Variants in ATAD2B observed in about 807,000 individuals in gnomAD.
ATAD2B encodes ATPase family AAA domain-containing protein 2B.
A neutral mutation model predicts 167.6 loss-of-function variants in ATAD2B; 40 were observed. The observed-to-expected ratio is 0.24, with a 90% CI of 0.19 to 0.31. The LOEUF (loss-of-function observed/expected upper bound fraction) is 0.31. Among genes scored for constraint, ATAD2B ranks in the 10% least tolerant of loss-of-function variants. The probability of loss-of-function intolerance (pLI) is 1.00; values close to 1 mark genes in which losing one functional copy is unlikely to be tolerated. For missense variants in ATAD2B, 1,242 were observed against 1,757.2 expected, an observed-to-expected ratio of 0.71 and a Z score of 5.24; for synonymous variants, 579 against 596.5, an observed-to-expected ratio of 0.97 and a Z score of 0.43.
intron 17 of ATAD2B, among the ~76,000 whole-genome samples, chr2:23,817,432 C>A (rs1393440314): frequency 6.6e-6 from 1 of 152,172 alleles, no homozygotes; most frequent in Non-Finnish European, 1.5e-5. Context: ...GTAAAAAGCA[C>A]TCAGATGCAA....
chr2:23,769,838 C>A (rs892668577), intron 22 of ATAD2B, among the ~76,000 whole-genome samples: 8 of 151,164 alleles, frequency 5.3e-5, no homozygotes, highest in African/African-American at 1.9e-4. Context: ...TGTGTGCCAC[C>A]CCACCCAGCT....
chr2:23,822,418 G>A (rs933275904), intron 16 of ATAD2B, among the ~76,000 whole-genome samples: 2 of 152,034 alleles, frequency 1.3e-5, no homozygotes, highest in African/African-American at 2.4e-5. Context: ...GGCGGCACAC[G>A]CCTGTAATCC....
intron 1 of ATAD2B, among the ~76,000 whole-genome samples, chr2:23,921,205 CAAAAAAAA>C (rs61004964): frequency 6.2e-5 from 2 of 32,288 alleles, no homozygotes; most frequent in African/African-American, 2.5e-4. Flanking sequence ...GACTCCATCT[CAAAAAAAA>C]AAAAAAAAAA....
intron 13 of ATAD2B, among the ~76,000 whole-genome samples, chr2:23,842,548 T>C (rs1386205861): frequency 1.3e-5 from 2 of 152,206 alleles, no homozygotes; most frequent in Non-Finnish European, 2.9e-5. Context: ...TCCTTCTCTC[T>C]AGCTTTTAGT....
the ATAD2B span, among the ~76,000 whole-genome samples, chr2:23,724,742 T>C: frequency 6.6e-6 from 1 of 151,400 alleles, no homozygotes; most frequent in African/African-American, 2.4e-5. Context: ...GAAAAAAAAA[T>C]CTTTAAAAGC....
In ATAD2B at chr2:23,927,000, G is replaced by C; in HGVS notation, c.-230C>G. The stretch of plus-strand genomic sequence containing the variant: ...GGCGGTGCTGCAGACCGGCAGCACA[G>C]ACACTCCGCCGGCTTCGCCCTCCTC... On this transcript the variant is annotated 5_prime_UTR_variant, in exon 1 of 28. Transcript: ENST00000238789. 1 of 515,642 alleles carries C rather than the reference G, an allele frequency of 1.9e-6. No homozygotes were observed. The highest frequency in any genetic ancestry group is 3.3e-6 in the Non-Finnish European group (1 of 299,740). 31.9% of individuals were successfully genotyped at this position (515,642 alleles called of 1,614,324 possible).
At chr2:23,818,388 T>A (rs937768670) in intron 17 of ATAD2B, among the ~76,000 whole-genome samples, 92 of 112,278 alleles carry the variant, frequency 8.2e-4, no homozygotes, top group African/African-American at 2.9e-3. Context: ...AAAAAAAAAA[T>A]TGGCTTTCCC....
chr2:23,767,200 T>A (rs1677561565), intron 22 of ATAD2B, among the ~76,000 whole-genome samples: 1 of 152,176 alleles, frequency 6.6e-6, no homozygotes, highest in South Asian at 2.1e-4. Flanking sequence ...TACTCCACCC[T>A]AACTCATTCC....
intron 22 of ATAD2B, among the ~76,000 whole-genome samples, chr2:23,780,196 T>A (rs1679786425): frequency 6.6e-6 from 1 of 150,936 alleles, no homozygotes; most frequent in African/African-American, 2.4e-5. Flanking sequence ...TGCAGTGAGA[T>A]GAGGTCACAC....
intron 21 of ATAD2B, among the ~76,000 whole-genome samples, chr2:23,785,293 C>G (rs1411508900): frequency 1.3e-5 from 2 of 152,030 alleles, no homozygotes; most frequent in African/African-American, 2.4e-5. Context: ...GCTGTTCAAA[C>G]ATGGAGTCTG....
intron 1 of ATAD2B, among the ~76,000 whole-genome samples, chr2:23,906,690 T>G (rs918718034): frequency 6.6e-6 from 1 of 151,954 alleles, no homozygotes; most frequent in African/African-American, 2.4e-5. Context: ...ACCAATATCC[T>G]TGATGAACAT....
At chr2:23,852,351 C>G (rs1258439446) in intron 13 of ATAD2B, among the ~76,000 whole-genome samples, 1 of 151,884 alleles carries the variant, frequency 6.6e-6, no homozygotes, top group African/African-American at 2.4e-5. Flanking sequence ...TCTTGCACTC[C>G]TAGACTCAAG....
At chr2:23,817,891 G>T (rs771660502) in intron 17 of ATAD2B, among the ~76,000 whole-genome samples, 3 of 152,020 alleles carry the variant, frequency 2.0e-5, no homozygotes, top group Non-Finnish European at 2.9e-5. Flanking sequence ...ATCAGTGGCA[G>T]GAAATGTCCT....
intron 12 of ATAD2B, among the ~76,000 whole-genome samples, chr2:23,857,760 G>A (rs146451569): frequency 0.082 from 3,236 of 39,644 alleles, 138 homozygotes; most frequent in African/African-American, 0.23. Flanking sequence ...TTTTTTTTTT[G>A]AGACGGAGTC....
chr2:23,808,592 T>C (rs1006378054), intron 18 of ATAD2B, among the ~76,000 whole-genome samples: 4 of 152,140 alleles, frequency 2.6e-5, no homozygotes, highest in African/African-American at 9.7e-5. Flanking sequence ...AACACTAACT[T>C]TGAAAGTGTC....
At chr2:23,744,517 A>G (rs1437653957), downstream of ATAD2B, among the ~76,000 whole-genome samples, 2 of 152,230 alleles carry the variant, frequency 1.3e-5, no homozygotes, top group African/African-American at 4.8e-5. Context: ...AACACTTACT[A>G]TGTGCCTGGT....
In ATAD2B at chr2:23,818,296, G is replaced by C. The variant is rs1461866295; in HGVS notation, c.2267+1451C>G. ...GGGAGGGAAGAAGAGAGGGAGGGGG[G>C]AGAGAGAGAGAGAGAAAGAGAGAGA... On this transcript the variant is annotated intron_variant, in intron 17 of 27. Coordinates refer to ENST00000238789, the MANE Select transcript of ATAD2B (RefSeq NM_017552.4). Among the ~76,000 whole-genome samples, 6 of 70,918 alleles carry C rather than the reference G, an allele frequency of 8.5e-5. No individual in the cohort carries two copies. The South Asian group carries it at 3.5e-3, about 42-fold the overall frequency. 46.5% of individuals were successfully genotyped at this position (70,918 alleles called of 152,430 possible).
intron 13 of ATAD2B, among the ~76,000 whole-genome samples, chr2:23,847,714 T>C (rs1307550831): frequency 6.7e-6 from 1 of 148,950 alleles, no homozygotes; most frequent in Non-Finnish European, 1.5e-5. Context: ...CAGCCAGGTG[T>C]GGTAGCTCAT....
chr2:23,696,146 G>A, the ATAD2B span: 142 of 1,549,244 alleles, frequency 9.2e-5, 1 homozygote, highest in South Asian at 1.1e-3. This position sits in a 1 kb window ranked among gnomAD's most constrained non-coding sequence, Gnocchi z 5.5. Flanking sequence ...GAGGCCCCCC[G>A]GGGTTGGGGC....
Sources: gnomAD v4.1 joint callset for allele counts (sites outside exome capture counted in the v4.1 genomes callset) on GRCh38, gnomAD v4.1.1 for gene constraint, Gnocchi (gnomAD v3.1) non-coding constraint, MANE v1.5 for transcripts, NCBI Gene and HGNC (gene_info 2026-07-23, HGNC 2026-07-21) for gene names.